The following COL28A1 variants were observed in gnomAD, a reference collection of about 807,000 sequenced individuals.
The protein encoded by COL28A1 is collagen type XXVIII alpha 1 chain.
A neutral mutation model predicts 150.2 loss-of-function variants in COL28A1; 161 were observed. That is an observed-to-expected ratio of 1.07 (90% CI 0.94 to 1.22). COL28A1 has a LOEUF of 1.22. Ranked by LOEUF, COL28A1 falls within the 50% of genes most tolerant of loss-of-function variation. The pLI is 0.00. For missense variants in COL28A1, 1,617 were observed against 1,388.3 expected (o/e 1.16, Z -2.62); for synonymous variants, 552 against 469.7 (o/e 1.18, Z -2.26).
chr7:7,340,303 A>C, the COL28A1 span, among the ~76,000 whole-genome samples: 93,444 of 152,004 alleles, frequency 0.61, 32,827 homozygotes, highest in East Asian at 0.88. Flanking sequence ...TCCTGTTTGA[A>C]CTTTCCAGTG....
chr7:7,496,541 C>T (rs1780217650), intron 11 of COL28A1, among the ~76,000 whole-genome samples: 1 of 149,966 alleles, frequency 6.7e-6, no homozygotes, highest in Admixed American at 6.7e-5. Context: ...TTCACCCAGA[C>T]ACAATTAATC....
intron 21 of COL28A1, among the ~76,000 whole-genome samples, chr7:7,437,741 T>C (rs1785446429): frequency 6.6e-6 from 1 of 152,198 alleles, no homozygotes. Context: ...ATAAAAATTA[T>C]GCAATTCATG....
intron 8 of COL28A1, among the ~76,000 whole-genome samples, chr7:7,512,349 A>C (rs866921031): frequency 6.6e-6 from 1 of 152,176 alleles, no homozygotes; most frequent in Non-Finnish European, 1.5e-5. Flanking sequence ...AAAAGGGTAG[A>C]TTTTAAGCAT....
At chr7:7,524,382 A>G (rs535283124) in intron 3 of COL28A1, 133 bp from the exon 4 acceptor site, 1 of 662,106 alleles carries the variant, frequency 1.5e-6, no homozygotes, top group East Asian at 2.6e-5. Flanking sequence ...TAAACTTGTA[A>G]AAGCAATAAA....
intron 13 of COL28A1, among the ~76,000 whole-genome samples, chr7:7,480,450 T>C (rs773633281): frequency 4.1e-4 from 62 of 152,128 alleles, no homozygotes; most frequent in Non-Finnish European, 6.8e-4. Context: ...GGAAAATAAA[T>C]AGGAGCATGA....
At position 7,474,679 on chromosome 7, in the gene COL28A1, CA is replaced by C; in HGVS notation, c.1234-11del. 1 of 1,232,678 alleles carries C rather than the reference CA, an allele frequency of 8.1e-7. No homozygotes were observed. The highest frequency in any genetic ancestry group is 1.2e-6 in the Non-Finnish European group (1 of 832,096). The allele number at this position is 1,232,678 out of a possible 1,614,324, so 76.4% of individuals were successfully genotyped here. A position where few individuals can be genotyped will look rare whatever the true frequency, so the allele number is the denominator to read the frequency against. ...CAGAACCTTTTTCACCCTGAAAGTA[CA>C]AGGGAGGGATATCAATGCACCAACC... On this transcript the variant is annotated splice_polypyrimidine_tract_variant and intron_variant, in intron 14 of 34. Transcript: ENST00000399429.
intron 11 of COL28A1, among the ~76,000 whole-genome samples, chr7:7,497,138 G>A (rs1780264122): frequency 6.6e-6 from 1 of 151,110 alleles, no homozygotes; most frequent in Admixed American, 6.6e-5. Flanking sequence ...AGGAAAGAAG[G>A]ATCAATATTT....
intron 15 of COL28A1, among the ~76,000 whole-genome samples, chr7:7,460,909 G>A (rs1016649187): frequency 2.6e-5 from 4 of 152,140 alleles, no homozygotes; most frequent in African/African-American, 7.2e-5. Flanking sequence ...ACAGGAGGCA[G>A]GACTAGATCG....
At chr7:7,531,120 A>G (rs1782324882) in intron 3 of COL28A1, among the ~76,000 whole-genome samples, 1 of 152,190 alleles carries the variant, frequency 6.6e-6, no homozygotes, top group Non-Finnish European at 1.5e-5. Flanking sequence ...TCAGCTAGCA[A>G]TAAAGTTAAA....
chr7:7,459,350 C>T (rs1787421587), intron 15 of COL28A1, among the ~76,000 whole-genome samples: 4 of 152,178 alleles, frequency 2.6e-5, no homozygotes, highest in Non-Finnish European at 5.9e-5. Flanking sequence ...AATTGTATTG[C>T]ATCTAAAATT....
chr7:7,437,922 C>T (rs1785459546), intron 21 of COL28A1, among the ~76,000 whole-genome samples: 1 of 152,000 alleles, frequency 6.6e-6, no homozygotes, highest in Admixed American at 6.6e-5. Flanking sequence ...CATGTTATCT[C>T]ACATCCTTTT....
At chr7:7,444,124 G>A (rs867945332) in intron 19 of COL28A1, among the ~76,000 whole-genome samples, 4 of 151,890 alleles carry the variant, frequency 2.6e-5, no homozygotes, top group South Asian at 4.2e-4. Context: ...GGGGAGGCGG[G>A]GGGAGTGGCT....
chr7:7,493,005 CAT>C (rs1270160383), intron 11 of COL28A1, among the ~76,000 whole-genome samples: 2 of 146,250 alleles, frequency 1.4e-5, no homozygotes, highest in Non-Finnish European at 3.0e-5. Context: ...AATATATATA[CAT>C]ATATAACAGG....
intron 3 of COL28A1, among the ~76,000 whole-genome samples, chr7:7,527,703 A>G (rs890441549): frequency 6.6e-6 from 1 of 152,232 alleles, no homozygotes; most frequent in Non-Finnish European, 1.5e-5. Flanking sequence ...AAGAAGATGC[A>G]GTCAGAATTT....
intron 10 of COL28A1, 46 bp from the exon 11 acceptor site, chr7:7,506,113 C>T (rs778862292): frequency 3.0e-5 from 28 of 933,700 alleles, no homozygotes; most frequent in Non-Finnish European, 3.6e-5. Context: ...TACAAAAGGC[C>T]AGCAGGAATG....
chr7:7,511,815 C>T lies in COL28A1; in HGVS notation c.883-680G>A, dbSNP rs757981211. 3 of 470,674 alleles carry T rather than the reference C, an allele frequency of 6.4e-6. No homozygotes were observed. The East Asian group carries it at 2.1e-4, about 33-fold the overall frequency. The allele number at this position is 470,674 out of a possible 1,614,324, so 29.2% of individuals were successfully genotyped here. ...ATGCTACATATTTTTCATTATTATGCTCTACTTCCCTGTCTTCCCTAGAAT... is the reference window on the plus strand; with the variant it reads ...ATGCTACATATTTTTCATTATTATGTTCTACTTCCCTGTCTTCCCTAGAAT... On this transcript the variant is annotated intron_variant, in intron 8 of 34. Transcript: ENST00000399429.
At chr7:7,444,347 C>A (rs1168504864) in intron 19 of COL28A1, 71 bp downstream of exon 19, 72 of 1,593,768 alleles carry the variant, frequency 4.5e-5, no homozygotes, top group Non-Finnish European at 5.9e-5. Context: ...TTTATTCGAG[C>A]TCCTGCAGGA....
the COL28A1 span, among the ~76,000 whole-genome samples, chr7:7,341,400 T>A: frequency 6.6e-6 from 1 of 152,130 alleles, no homozygotes. Context: ...TTTTAAAATG[T>A]ATTTCCCTTT....
In COL28A1 at chr7:7,456,093, C is replaced by T. The variant is rs755623661; in HGVS notation, c.1322G>A (p.Gly441Glu). The T allele has an allele frequency of 6.2e-7, 1 of 1,613,758 alleles. No individual in the cohort carries two copies. The highest frequency in any genetic ancestry group is 1.7e-5 in the Admixed American group (1 of 60,010). The change falls in exon 16 of 35, where the codon GGA becomes GAA. Residue 441 changes from glycine (G) to glutamate (E), a missense_variant. By Grantham distance (98) the Gly-to-Glu change is moderately conservative. Coordinates refer to ENST00000399429, the MANE Select transcript of COL28A1 (RefSeq NM_001037763.3). ...KGEKGDIGPV[G>E]PQGPMGIPGI... ...AGGGATACCCATTGGTCCTTGGGGT[C>T]CCACAGGTCCTATATCCCCCTGCAC...
Sources: gnomAD v4.1 joint callset for allele counts (sites outside exome capture counted in the v4.1 genomes callset) on GRCh38, gnomAD v4.1.1 for gene constraint, MANE v1.5 for transcripts, NCBI Gene and HGNC (gene_info 2026-07-23, HGNC 2026-07-21) for gene names.